RARB: variants seen among roughly 807,000 people sequenced by gnomAD.
RARB encodes the protein HBV-activated protein.
In RARB, 17 loss-of-function variants were observed where a neutral mutation model predicts 51.9. That is an observed-to-expected ratio of 0.33 (90% CI 0.22 to 0.49). The LOEUF (loss-of-function observed/expected upper bound fraction) is 0.49, where lower values mean the gene tolerates loss of function less well. RARB is among the 20% of genes least tolerant of loss of function. The pLI, the probability that RARB is intolerant of heterozygous loss-of-function variation, is 0.99. For synonymous variants in RARB, 215 were observed against 195.4 expected, an observed-to-expected ratio of 1.10 and a Z score of -0.84; for missense variants, 369 against 550.8, an observed-to-expected ratio of 0.67 and a Z score of 3.30.
At chr3:25,306,393 C>T (rs1306838764) in intron 5 of RARB, among the ~76,000 whole-genome samples, 1 of 151,864 alleles carries the variant, frequency 6.6e-6, no homozygotes, top group Non-Finnish European at 1.5e-5. Context: ...TCAAAAGGGC[C>T]TTGAATGATT....
intron 2 of RARB, among the ~76,000 whole-genome samples, chr3:25,032,905 C>A (rs1559441217): frequency 6.6e-6 from 1 of 152,154 alleles, no homozygotes. Context: ...TTTCGTGGGA[C>A]AATACATTAC....
chr3:25,383,336 G>A (rs952319615), intron 5 of RARB, among the ~76,000 whole-genome samples: 2 of 152,170 alleles, frequency 1.3e-5, no homozygotes, highest in Non-Finnish European at 2.9e-5. Context: ...GTTCTTCATC[G>A]TGGAAAGAGC....
chr3:24,862,815 G>A (rs748602624), intron 2 of RARB, among the ~76,000 whole-genome samples: 1 of 152,068 alleles, frequency 6.6e-6, no homozygotes, highest in African/African-American at 2.4e-5. Flanking sequence ...CCTGCCCTTC[G>A]GCAGCCTAGA....
chr3:25,493,428 C>CTCCTA (rs1696849057), intron 2 of RARB, among the ~76,000 whole-genome samples: 1 of 152,198 alleles, frequency 6.6e-6, no homozygotes, highest in Non-Finnish European at 1.5e-5. Context: ...TCCACACTCA[C>CTCCTA]CTCCTACTGG....
At chr3:25,200,762 C>T (rs893186518) in intron 5 of RARB, among the ~76,000 whole-genome samples, 29 of 152,076 alleles carry the variant, frequency 1.9e-4, no homozygotes, top group African/African-American at 6.5e-4. Flanking sequence ...AGATATGTGG[C>T]ATTATTTCTG....
At chr3:25,212,049 T>G (rs1193269970) in intron 5 of RARB, among the ~76,000 whole-genome samples, 1 of 152,184 alleles carries the variant, frequency 6.6e-6, no homozygotes, top group African/African-American at 2.4e-5. Flanking sequence ...TTCTGTTTAG[T>G]GGGTTGGAGT....
At chr3:25,104,051 T>C (rs1446943318) in intron 3 of RARB, among the ~76,000 whole-genome samples, 1 of 152,236 alleles carries the variant, frequency 6.6e-6, no homozygotes. Context: ...CTGGGTCATC[T>C]TTGAAATCCT....
At chr3:24,854,190 C>A (rs772380527) in intron 1 of RARB, among the ~76,000 whole-genome samples, 9 of 152,284 alleles carry the variant, frequency 5.9e-5, no homozygotes, top group Admixed American at 3.3e-4. Context: ...GTTAGGCCTG[C>A]CAGGGCAAAC....
At chr3:25,189,091 A>T (rs1186930436) in intron 5 of RARB, among the ~76,000 whole-genome samples, 1 of 152,156 alleles carries the variant, frequency 6.6e-6, no homozygotes, top group Non-Finnish European at 1.5e-5. Flanking sequence ...AAATGACTGT[A>T]CCATGAACCA....
intron 2 of RARB, among the ~76,000 whole-genome samples, chr3:24,906,776 C>A (rs1439629273): frequency 7.3e-6 from 1 of 136,264 alleles, no homozygotes; most frequent in African/African-American, 2.8e-5. Flanking sequence ...ACCTGGGAGG[C>A]AGAGGTTGCA....
chr3:25,346,185 C>T (rs549518244), intron 5 of RARB, among the ~76,000 whole-genome samples: 3 of 152,302 alleles, frequency 2.0e-5, no homozygotes, highest in South Asian at 2.1e-4. Flanking sequence ...TTTTTAATCT[C>T]TCCATGTCTC....
In RARB at chr3:24,935,502, T is replaced by G. The variant is rs77384972; in HGVS notation, c.-380+76750T>G. Among the ~76,000 whole-genome samples the G allele has an allele frequency of 7.2e-3, 1,094 of 152,264 alleles. 24 individuals are homozygous for G. The highest frequency in any genetic ancestry group is 0.038 in the Admixed American group (581 of 15,280). The stretch of plus-strand genomic sequence containing the variant: ...CAACCCTTGCTCATACAGTAGTCTG[T>G]TATGATTTCACAGCAGAAGTGGGCT... On this transcript the variant is annotated intron_variant, in intron 2 of 11. Coordinates refer to the RARB transcript ENST00000383772.
Position 25,241,392 on chromosome 3 carries a change from A to G in RARB, c.178+66817A>G, listed in dbSNP as rs536996656. ...GTTTTGTTACGTAGGTATACATGGAACCATGTTGGTTTGCTGCACCCATCA... is the reference window on the plus strand; with the variant it reads ...GTTTTGTTACGTAGGTATACATGGAGCCATGTTGGTTTGCTGCACCCATCA... On this transcript the variant is annotated intron_variant, in intron 5 of 11. Coordinates refer to the RARB transcript ENST00000383772. 2.8e-3 allele frequency among the ~76,000 whole-genome samples: 425 copies of G among 152,118 alleles called. 2 individuals are homozygous for G. Among genetic ancestry groups the G allele is most frequent in the African/African-American group, 9.9e-3 (410 of 41,516 alleles).
rs112526333 is a variant in RARB, at chr3:25,181,761, A to G, written c.178+7186A>G. ...TAAATTATTTAGGATTTTAATTGCC[A>G]TGCAAGTCAGTAGTAGGTTGATCTT... is the stretch of plus-strand genomic sequence containing the variant. On this transcript the variant is annotated intron_variant, in intron 5 of 11. Coordinates refer to the RARB transcript ENST00000383772. Among the ~76,000 whole-genome samples the G allele has an allele frequency of 4.2e-3, 639 of 152,260 alleles. 3 individuals carry two copies. Among genetic ancestry groups the G allele is most frequent in the African/African-American group, 0.015 (610 of 41,528 alleles).
chr3:25,357,917 AGT>A (rs1482507045), intron 5 of RARB, among the ~76,000 whole-genome samples: 1 of 152,160 alleles, frequency 6.6e-6, no homozygotes, highest in African/African-American at 2.4e-5. Context: ...GTAGCCTTGT[AGT>A]ATAGTTTGAA....
chr3:24,904,335 T>A (rs1206021016), intron 2 of RARB, among the ~76,000 whole-genome samples: 1 of 151,974 alleles, frequency 6.6e-6, no homozygotes, highest in Non-Finnish European at 1.5e-5. Context: ...AACAACCCCA[T>A]CAAAAAGTAG....
chr3:24,864,444 T>A (rs1465084717), intron 2 of RARB, among the ~76,000 whole-genome samples: 3 of 152,198 alleles, frequency 2.0e-5, no homozygotes, highest in African/African-American at 7.2e-5. Flanking sequence ...TGGGGCAATG[T>A]TGTTTGCACA....
intron 5 of RARB, among the ~76,000 whole-genome samples, chr3:25,261,180 A>T (rs1438666749): frequency 6.6e-6 from 1 of 152,162 alleles, no homozygotes; most frequent in African/African-American, 2.4e-5. Flanking sequence ...AAGAAGTGCT[A>T]GTTGCTATTG....
intron 2 of RARB, among the ~76,000 whole-genome samples, chr3:24,991,915 C>A (rs1696920550): frequency 6.6e-6 from 1 of 152,084 alleles, no homozygotes; most frequent in South Asian, 2.1e-4. Flanking sequence ...ACCTCTTCAC[C>A]CAGGGTGAGC....
Sources: gnomAD v4.1 joint callset for allele counts (sites outside exome capture counted in the v4.1 genomes callset) on GRCh38, gnomAD v4.1.1 for gene constraint, MANE v1.5 for transcripts, NCBI Gene and HGNC (gene_info 2026-07-23, HGNC 2026-07-21) for gene names.